Variants in LOXL1 observed in about 807,000 individuals in gnomAD.
The protein encoded by LOXL1 is lysyl oxidase like 1, also known as lysyl oxidase homolog 1.
In LOXL1, 31 loss-of-function variants were observed where a neutral mutation model predicts 62.2. The ratio of observed to expected loss-of-function variants is 0.50; its 90% CI spans 0.37 to 0.67. LOXL1 has a LOEUF of 0.67. Ranked by LOEUF, LOXL1 falls within the 30% of genes least tolerant of loss-of-function variation. The probability of loss-of-function intolerance (pLI) is 0.00; values close to 1 mark genes in which losing one functional copy is unlikely to be tolerated. For synonymous variants in LOXL1, 403 were observed against 384.4 expected, an observed-to-expected ratio of 1.05 and a Z score of -0.56; for missense variants, 775 against 843.4, an observed-to-expected ratio of 0.92 and a Z score of 1.00.
At position 73,935,410 on chromosome 15, in the gene LOXL1, A is replaced by G. The variant is rs138415931; in HGVS notation, c.1103-7444A>G. Among the ~76,000 whole-genome samples, 316 of 152,334 alleles carry G rather than the reference A, an allele frequency of 2.1e-3. 9 individuals are homozygous for G. In the East Asian group the frequency reaches 0.052, roughly 25 times the overall value. On this transcript the variant is annotated intron_variant, in intron 1 of 6. Transcript: ENST00000261921. ...ATGGCTGGTGTGGCTGGAAGGATGC[A>G]ATTGCCTTGAGCTGAGATGGGAAGG...
intron 2 of LOXL1, among the ~76,000 whole-genome samples, chr15:73,944,043 T>C (rs1022894792): frequency 6.6e-6 from 1 of 152,230 alleles, no homozygotes; most frequent in Non-Finnish European, 1.5e-5. Context: ...ATGTTGTCGA[T>C]GTACATTCTG....
chr15:73,928,164 T>C (rs2068605680), intron 1 of LOXL1: 1 of 370,926 alleles, frequency 2.7e-6, no homozygotes, highest in Non-Finnish European at 4.8e-6. Flanking sequence ...AGCCGAGCTT[T>C]GGGAGGAGGC....
chr15:73,928,027 C>G (rs920133520), intron 1 of LOXL1, 142 bp downstream of exon 1: 1 of 716,422 alleles, frequency 1.4e-6, no homozygotes, highest in Non-Finnish European at 2.0e-6. Context: ...CTCCCGACTT[C>G]CCCCGACCCA....
At chr15:73,935,752 CA>C (rs2068666316) in intron 1 of LOXL1, among the ~76,000 whole-genome samples, 1 of 152,206 alleles carries the variant, frequency 6.6e-6, no homozygotes. Context: ...GCAGCTGGCG[CA>C]ATCAAGCACA....
At position 73,946,398 on chromosome 15, in the gene LOXL1, T is replaced by TCCCC; in HGVS notation, c.1212-17_1212-14dup. ...CACTGTGCCCCAACCCCCCCTCATCTCCCCCGCCGTCCCTGCAGCACAGCC... is the reference window on the plus strand; with the variant it reads ...CACTGTGCCCCAACCCCCCCTCATCTCCCCCCCCCGCCGTCCCTGCAGCACAGCC... On this transcript the variant is annotated intron_variant, in intron 2 of 6. Coordinates refer to ENST00000261921, the MANE Select transcript of LOXL1 (RefSeq NM_005576.4). 4.4e-6 allele frequency: 6 copies of TCCCC among 1,360,906 alleles called. No individual in the cohort carries two copies. Among genetic ancestry groups the TCCCC allele is most frequent in the South Asian group, 2.4e-5 (2 of 83,910 alleles). 84.3% of individuals were successfully genotyped at this position (1,360,906 alleles called of 1,614,324 possible).
chr15:73,951,663 T>G (rs1468507202), intron 6 of LOXL1, among the ~76,000 whole-genome samples, 168 bp from the exon 7 acceptor site: 2 of 152,134 alleles, frequency 1.3e-5, no homozygotes, highest in Non-Finnish European at 2.9e-5. Flanking sequence ...ATCAAACCCC[T>G]CCTTTTGGAG....
chr15:73,948,712 C>T (rs2068764138), intron 5 of LOXL1, among the ~76,000 whole-genome samples: 1 of 152,186 alleles, frequency 6.6e-6, no homozygotes, highest in South Asian at 2.1e-4. Flanking sequence ...GCTTGCTCCT[C>T]CAGGGCCTGG....
Position 73,943,810 on chromosome 15 carries a change from G to C in LOXL1, c.1211+848G>C, listed in dbSNP as rs553380593. Among the ~76,000 whole-genome samples the C allele has an allele frequency of 3.9e-5, 6 of 152,184 alleles. No individual in the cohort carries two copies. In the South Asian group the frequency reaches 1.2e-3, roughly 32 times the overall value. ...TTTGGACATTTGAACTCTCTGTTTA[G>C]TTTGACTTTTTACTATCTAGGAAAC... On this transcript the variant is annotated intron_variant, in intron 2 of 6. Transcript: ENST00000261921.
chr15:73,946,387 C>A (rs767924995), intron 2 of LOXL1, 30 bp from the exon 3 acceptor site: 35 of 1,489,418 alleles, frequency 2.3e-5, no homozygotes, highest in Non-Finnish European at 3.0e-5. Flanking sequence ...GTGCCCCAAC[C>A]CCCCCTCATC....
rs139282959 is a variant in LOXL1, at chr15:73,947,205, A to G, written c.1488A>G (p.Ala496=). ...TCDFGNLKRY[A]CTSHTQGLSP... is the part of the protein sequence containing the mutation. ...ACTTCGGCAACCTCAAGCGCTATGCATGCACCTCTCATACCCAGGTTGGGC... is the reference window on the plus strand; with the variant it reads ...ACTTCGGCAACCTCAAGCGCTATGCGTGCACCTCTCATACCCAGGTTGGGC... Residue 496 remains alanine, a synonymous_variant, in exon 4 of 7, where the codon GCA becomes GCG. Coordinates refer to ENST00000261921, the MANE Select transcript of LOXL1 (RefSeq NM_005576.4). 2 of 1,608,678 alleles carry G rather than the reference A, an allele frequency of 1.2e-6. No homozygotes were observed. Among genetic ancestry groups the G allele is most frequent in the South Asian group, 1.1e-5 (1 of 90,806 alleles).
intron 1 of LOXL1, chr15:73,928,212 A>C: frequency 3.4e-6 from 1 of 296,826 alleles, no homozygotes; most frequent in Non-Finnish European, 6.2e-6. Context: ...CTGAGGACAA[A>C]AGGAAGGAGC....
At position 73,927,448 on chromosome 15, in the gene LOXL1, C is replaced by G; in HGVS notation, c.665C>G (p.Ala222Gly). ...VGAGAAAVAS[A>G]GVIYPYQPRA... The stretch of plus-strand genomic sequence containing the variant: ...GCGGGGGCGGCGGCCGTGGCCTCGG[C>G]GGGGGTCATCTACCCCTACCAGCCC... Residue 222 changes from alanine to glycine, a missense_variant, in exon 1 of 7, where the codon GCG becomes GGG. Transcript: ENST00000261921. 2.1e-6 allele frequency: 3 copies of G among 1,451,650 alleles called. No individual in the cohort carries two copies. Among genetic ancestry groups the G allele is most frequent in the Non-Finnish European group, 2.7e-6 (3 of 1,104,356 alleles). 89.9% of individuals were successfully genotyped at this position (1,451,650 alleles called of 1,614,324 possible).
intron 2 of LOXL1, 24 bp from the exon 3 acceptor site, chr15:73,946,382 CCAACCCCCCCT>C: frequency 2.0e-6 from 3 of 1,503,344 alleles, no homozygotes; most frequent in Non-Finnish European, 2.8e-6. Context: ...TCACTGTGCC[CCAACCCCCCCT>C]CATCTCCCCC....
intron 6 of LOXL1, among the ~76,000 whole-genome samples, chr15:73,950,533 A>G (rs561573817): frequency 2.7e-5 from 4 of 150,416 alleles, no homozygotes; most frequent in East Asian, 2.0e-4. Context: ...TTAGGACTCA[A>G]TGTGTGACCA....
intron 6 of LOXL1, among the ~76,000 whole-genome samples, chr15:73,950,631 C>G (rs900571809): frequency 6.6e-6 from 1 of 151,362 alleles, no homozygotes; most frequent in Non-Finnish European, 1.5e-5. Context: ...AGGGCTCAGT[C>G]TGTGACCAGA....
Position 73,951,947 on chromosome 15 carries a change from T to TGC in LOXL1, c.*110_*111insGC. On this transcript the variant is annotated 3_prime_UTR_variant, in exon 7 of 7. Coordinates refer to ENST00000261921, the MANE Select transcript of LOXL1 (RefSeq NM_005576.4). ...CCCAACCCACAGGCACGGAGGGGCA[T>TGC]CCCTCCCTGCCGGCCTCAGGGAGCG... 2 of 970,954 alleles carry TGC rather than the reference T, an allele frequency of 2.1e-6. No homozygotes were observed. Among genetic ancestry groups the TGC allele is most frequent in the Non-Finnish European group, 2.8e-6 (2 of 721,672 alleles). 60.1% of individuals were successfully genotyped at this position (970,954 alleles called of 1,614,324 possible). A position where few individuals can be genotyped will look rare whatever the true frequency, so the allele number is the denominator to read the frequency against.
chr15:73,949,463 A>C lies in LOXL1; in HGVS notation c.1607A>C (p.His536Pro), dbSNP rs1314503570. ...VQPGNYILKV[H>P]VNPKYIVLES... is the part of the protein sequence containing the mutation. ...CCTGTTTCTCTTCTTCCTCAGGTGC[A>C]CGTGAACCCAAAGTATATTGTTTTG... Residue 536 changes from histidine (H) to proline (P), a missense_variant, in exon 6 of 7, where the codon CAC (histidine) becomes CCC (proline). Transcript: ENST00000261921. 6.2e-7 allele frequency: 1 copy of C among 1,603,272 alleles called. No homozygotes were observed. The highest frequency in any genetic ancestry group is 2.2e-5 in the East Asian group (1 of 44,852).
chr15:73,952,032 C>T lies in LOXL1; in HGVS notation c.*195C>T. On this transcript the variant is annotated 3_prime_UTR_variant, in exon 7 of 7. Transcript: ENST00000261921. ...AGACCCCATTTTATACTTCACTTTT[C>T]TCTACAGTGTTGTTTTGTTGTTGTT... is the stretch of plus-strand genomic sequence containing the variant. 2 of 419,102 alleles carry T rather than the reference C, an allele frequency of 4.8e-6. No individual in the cohort carries two copies. The highest frequency in any genetic ancestry group is 8.4e-6 in the Non-Finnish European group (2 of 237,556). The allele number at this position is 419,102 out of a possible 1,614,324, so 26.0% of individuals were successfully genotyped here.
intron 1 of LOXL1, among the ~76,000 whole-genome samples, chr15:73,929,393 G>T (rs912004297): frequency 1.3e-5 from 2 of 152,222 alleles, no homozygotes; most frequent in Non-Finnish European, 2.9e-5. Context: ...TGTCAGCAGA[G>T]GGATGATGCT....
Sources: allele counts gnomAD v4.1 joint callset (sites outside exome capture counted in the v4.1 genomes callset), GRCh38; gene constraint gnomAD v4.1.1; transcripts MANE v1.5; gene names NCBI Gene and HGNC (gene_info 2026-07-23, HGNC 2026-07-21).